Variants in MGAT4D observed in about 807,000 individuals in gnomAD.
MGAT4D encodes MGAT4 family member D.
MGAT4D carries 34 observed loss-of-function variants against 15.9 expected under a neutral mutation model. The observed-to-expected ratio is 2.14, with a 90% CI of 1.62 to 2.84. MGAT4D has a LOEUF of 2.84. MGAT4D is among the 30% of genes most tolerant of loss of function. MGAT4D has a pLI of 0.00. For missense variants in MGAT4D, 327 were observed against 140.2 expected (o/e 2.33, Z -6.73); for synonymous variants, 112 against 48.2 (o/e 2.33, Z -5.49).
At chr4:140,486,727 A>G (rs1445113193) in intron 1 of MGAT4D, among the ~76,000 whole-genome samples, 1 of 152,248 alleles carries the variant, frequency 6.6e-6, no homozygotes, top group Non-Finnish European at 1.5e-5. Flanking sequence ...TGAATAAATA[A>G]TGAAATGAAT....
chr4:140,482,466 A>G lies in MGAT4D; in HGVS notation c.114T>C (p.Cys38=). The change falls in exon 2 of 11, where the codon TGT becomes TGC. Residue 38 remains cysteine (C), a synonymous_variant. Coordinates refer to ENST00000511113, the MANE Select transcript of MGAT4D (RefSeq NM_001277353.2). ...ITQTNNQLIN[C]RNHILEFKEN... ...CTTTAAACTCCAAAATATGGTTTCT[A>G]CAGTTAATTAATTGATTATCTGCAA... The G allele has an allele frequency of 1.6e-6, 1 of 636,366 alleles. No individual in the cohort carries two copies. 39.4% of individuals were successfully genotyped at this position (636,366 alleles called of 1,614,324 possible).
chr4:140,482,545 A>G, intron 1 of MGAT4D, 60 bp from the exon 2 acceptor site: 1 of 559,046 alleles, frequency 1.8e-6, no homozygotes, highest in Non-Finnish European at 3.1e-6. Context: ...ACAATTTTCT[A>G]TAATAGGTAA....
At chr4:140,464,665 T>C (rs1336077614) in intron 6 of MGAT4D, among the ~76,000 whole-genome samples, 1 of 152,214 alleles carries the variant, frequency 6.6e-6, no homozygotes, top group Non-Finnish European at 1.5e-5. Flanking sequence ...TCCTGCTTTG[T>C]AGCTTTTGCC....
chr4:140,490,223 T>C lies in MGAT4D; in HGVS notation c.95-7738A>G, dbSNP rs1056768651. Among the ~76,000 whole-genome samples the C allele has an allele frequency of 3.9e-5, 6 of 152,208 alleles. No homozygotes were observed. In the East Asian group the frequency reaches 5.8e-4, roughly 15 times the overall value. Reference sequence around the variant, plus strand: ...TGTTTTAGAGTCTTCTTTGCTGATATTGATAAACCACAAGACCAGCCCAAA... The same window carrying C: ...TGTTTTAGAGTCTTCTTTGCTGATACTGATAAACCACAAGACCAGCCCAAA... On this transcript the variant is annotated intron_variant, in intron 1 of 10. Transcript: ENST00000511113.
chr4:140,443,249 A>C lies in MGAT4D; in HGVS notation c.*187T>G. 3.6e-6 allele frequency: 1 copy of C among 275,634 alleles called. No individual in the cohort carries two copies. Among genetic ancestry groups the C allele is most frequent in the Non-Finnish European group, 6.7e-6 (1 of 149,456 alleles). 17.1% of individuals were successfully genotyped at this position (275,634 alleles called of 1,614,324 possible). On this transcript the variant is annotated 3_prime_UTR_variant, in exon 11 of 11. Coordinates refer to ENST00000511113, the MANE Select transcript of MGAT4D (RefSeq NM_001277353.2). ...AATTAAATTGTAATAGGGTAAAAGC[A>C]ATATAAATGTTCTACCTTGTCTTGA...
At chr4:140,452,901 T>C (rs1181188184) in intron 9 of MGAT4D, among the ~76,000 whole-genome samples, 1 of 152,164 alleles carries the variant, frequency 6.6e-6, no homozygotes, top group African/African-American at 2.4e-5. Context: ...TGTGTTTAGA[T>C]AGATGATTTA....
chr4:140,473,644 C>T (rs2126789318), intron 4 of MGAT4D, among the ~76,000 whole-genome samples: 1 of 152,270 alleles, frequency 6.6e-6, no homozygotes, highest in Middle Eastern at 3.4e-3. Flanking sequence ...AATCCAGAGT[C>T]TGTTCTCAAC....
Position 140,495,798 on chromosome 4 carries a change from G to A in MGAT4D, c.94+2331C>T, listed in dbSNP as rs922974552. 2.4e-4 allele frequency among the ~76,000 whole-genome samples: 36 copies of A among 152,098 alleles called. 1 individual carries two copies. Among genetic ancestry groups the A allele is most frequent in the African/African-American group, 7.0e-4 (29 of 41,402 alleles). On this transcript the variant is annotated intron_variant, in intron 1 of 10. Coordinates refer to ENST00000511113, the MANE Select transcript of MGAT4D (RefSeq NM_001277353.2). Reference sequence around the variant, plus strand: ...GTCACCCAGGCTGAAGGGCAGTGGCGTGATCTCGGCTCACTGCAACCTCTG... The same window carrying A: ...GTCACCCAGGCTGAAGGGCAGTGGCATGATCTCGGCTCACTGCAACCTCTG...
At chr4:140,479,132 C>A (rs372711549) in intron 3 of MGAT4D, among the ~76,000 whole-genome samples, 72 of 152,240 alleles carry the variant, frequency 4.7e-4, no homozygotes, top group African/African-American at 1.6e-3. Flanking sequence ...CTATTACTGA[C>A]CTTGGTCTCC....
intron 5 of MGAT4D, among the ~76,000 whole-genome samples, chr4:140,471,302 C>T (rs1444645636): frequency 1.4e-5 from 2 of 142,112 alleles, no homozygotes; most frequent in African/African-American, 5.2e-5. Context: ...CTTTTCTTTT[C>T]GTTTCTTTTT....
intron 4 of MGAT4D, among the ~76,000 whole-genome samples, chr4:140,473,562 ATGAAT>A (rs1229813582): frequency 6.6e-6 from 1 of 152,258 alleles, no homozygotes; most frequent in African/African-American, 2.4e-5. Flanking sequence ...TGAGGCATAG[ATGAAT>A]TAAGTAAGTT....
At chr4:140,443,645 AATACTC>A (rs1414545523) in intron 10 of MGAT4D, among the ~76,000 whole-genome samples, 1 of 152,118 alleles carries the variant, frequency 6.6e-6, no homozygotes, top group East Asian at 1.9e-4. Flanking sequence ...TGCCAATTTT[AATACTC>A]TTACGTTGTT....
At chr4:140,458,977 G>T (rs893471195) in intron 8 of MGAT4D, 1 of 152,062 alleles carries the variant, frequency 6.6e-6, no homozygotes, top group African/African-American at 2.4e-5. Context: ...AAGAAAAATT[G>T]AAGGATTTAA....
chr4:140,479,913 C>T (rs909047117), intron 2 of MGAT4D, among the ~76,000 whole-genome samples: 1 of 152,052 alleles, frequency 6.6e-6, no homozygotes, highest in East Asian at 1.9e-4. Flanking sequence ...ATAACTGAAA[C>T]ATGCTGTAAT....
intron 1 of MGAT4D, among the ~76,000 whole-genome samples, chr4:140,489,269 T>TC (rs1024781568): frequency 2.0e-5 from 3 of 152,222 alleles, no homozygotes; most frequent in African/African-American, 7.2e-5. Context: ...TTCAGATTAC[T>TC]CCCCCCATGT....
intron 10 of MGAT4D, among the ~76,000 whole-genome samples, chr4:140,443,717 A>G (rs1729915378): frequency 6.6e-6 from 1 of 152,106 alleles, no homozygotes; most frequent in African/African-American, 2.4e-5. Context: ...CTTTATAGTC[A>G]GATTATCATT....
intron 10 of MGAT4D, among the ~76,000 whole-genome samples, chr4:140,449,325 A>G (rs1730323454): frequency 6.6e-6 from 1 of 152,252 alleles, no homozygotes. Flanking sequence ...TTTAAAAACT[A>G]TTTAAGAAAG....
chr4:140,467,495 C>T (rs12646497), intron 5 of MGAT4D, among the ~76,000 whole-genome samples: 21 of 151,858 alleles, frequency 1.4e-4, no homozygotes, highest in African/African-American at 4.6e-4. Context: ...CCAAAAGTTA[C>T]GTTACAATTT....
intron 5 of MGAT4D, among the ~76,000 whole-genome samples, chr4:140,468,593 T>C (rs148751486): frequency 1.1e-3 from 165 of 152,308 alleles, no homozygotes; most frequent in African/African-American, 3.9e-3. Context: ...AATAGTAGTT[T>C]ATTGTTCAGA....
Sources: allele counts gnomAD v4.1 joint callset (sites outside exome capture counted in the v4.1 genomes callset), GRCh38; gene constraint gnomAD v4.1.1; transcripts MANE v1.5; gene names NCBI Gene and HGNC (gene_info 2026-07-23, HGNC 2026-07-21).